The following LEP variants were observed in gnomAD, a reference collection of about 807,000 sequenced individuals.
The protein encoded by LEP is leptin (murine obesity homolog).
Under a neutral mutation model 9.8 loss-of-function variants are expected in LEP, and 6 were observed. The ratio of observed to expected loss-of-function variants is 0.61; its 90% CI spans 0.34 to 1.21. The LOEUF is 1.21. LEP is among the 50% of genes most tolerant of loss of function. LEP has a pLI of 0.04. For missense variants in LEP, 134 were observed against 198.1 expected, an observed-to-expected ratio of 0.68 and a Z score of 1.94; for synonymous variants, 112 against 81.7, an observed-to-expected ratio of 1.37 and a Z score of -2.00.
Position 128,254,675 on chromosome 7 carries a change from G to T in LEP, c.416G>T (p.Gly139Val), listed in dbSNP as rs1795315904. The change falls in exon 3 of 3, where the codon GGC becomes GTC. Residue 139 changes from glycine (G) to valine (V), a missense_variant. By Grantham distance (109) the Gly-to-Val change is moderately radical. Coordinates refer to ENST00000308868, the MANE Select transcript of LEP (RefSeq NM_000230.3). Reference protein sequence around the residue: ...DSLGGVLEASGYSTEVVALSR... With the variant: ...DSLGGVLEASVYSTEVVALSR... ...CTGGGGGGTGTCCTGGAAGCTTCAG[G>T]CTACTCCACAGAGGTGGTGGCCCTG... 7 of 1,614,060 alleles carry T rather than the reference G, an allele frequency of 4.3e-6. No individual in the cohort carries two copies. The highest frequency in any genetic ancestry group is 5.9e-6 in the Non-Finnish European group (7 of 1,180,012).
In LEP at chr7:128,252,110, C is replaced by G. The variant is rs1795281972; in HGVS notation, c.92C>G (p.Thr31Ser). ...AVPIQKVQDD[T>S]KTLIKTIVTR... Reference sequence around the variant, plus strand: ...CCCATCCAAAAAGTCCAAGATGACACCAAAACCCTCATCAAGACAATTGTC... The same window carrying G: ...CCCATCCAAAAAGTCCAAGATGACAGCAAAACCCTCATCAAGACAATTGTC... The change falls in exon 2 of 3, where the codon ACC becomes AGC. Residue 31 changes from threonine to serine, a missense_variant. Coordinates refer to ENST00000308868, the MANE Select transcript of LEP (RefSeq NM_000230.3). 6.2e-6 allele frequency: 10 copies of G among 1,614,026 alleles called. No individual in the cohort carries two copies. The highest frequency in any genetic ancestry group is 3.3e-5 in the Admixed American group (2 of 60,008).
chr7:128,251,822 C>A (rs961025036), intron 1 of LEP, among the ~76,000 whole-genome samples, 169 bp from the exon 2 acceptor site: 1 of 152,196 alleles, frequency 6.6e-6, no homozygotes, highest in Admixed American at 6.5e-5. Flanking sequence ...GGATGCATTT[C>A]ATTAATACAT....
At chr7:128,244,249 A>T (rs934590368) in intron 1 of LEP, among the ~76,000 whole-genome samples, 22 of 1,782 alleles carry the variant, frequency 0.012, no homozygotes, top group African/African-American at 0.02. Context: ...AGACCCTGAC[A>T]CACACACACA....
In LEP at chr7:128,254,649, C is replaced by T. The variant is rs766459987; in HGVS notation, c.390C>T (p.Ser130=). Residue 130 remains serine (S), a synonymous_variant, in exon 3 of 3, where the codon AGC becomes AGT. Transcript: ENST00000308868. ...CCAGTGGCCTGGAGACCTTGGACAG[C>T]CTGGGGGGTGTCCTGGAAGCTTCAG... ...PWASGLETLD[S]LGGVLEASGY... The T allele has an allele frequency of 1.2e-6, 2 of 1,614,134 alleles. No individual in the cohort carries two copies. The highest frequency in any genetic ancestry group is 3.3e-5 in the Admixed American group (2 of 60,032).
rs201333921 is a variant in LEP at position 128,256,140 on chromosome 7, T to G, written c.*1377T>G. On this transcript the variant is annotated 3_prime_UTR_variant, in exon 3 of 3. Transcript: ENST00000308868. ...AAATTACCAAAAATCTTGGGGGGTTTTTACTCCAGTGGTGAAGAAAACTCC... is the reference window on the plus strand; with the variant it reads ...AAATTACCAAAAATCTTGGGGGGTTGTTACTCCAGTGGTGAAGAAAACTCC... The G allele has an allele frequency of 2.6e-5, 4 of 152,180 alleles. No homozygotes were observed. The highest frequency in any genetic ancestry group is 5.9e-5 in the Non-Finnish European group (4 of 68,020). The allele number at this position is 152,180 out of a possible 1,614,324, so 9.4% of individuals were successfully genotyped here. A position where few individuals can be genotyped will look rare whatever the true frequency, so the allele number is the denominator to read the frequency against.
At chr7:128,252,628 G>A (rs1159185120) in intron 2 of LEP, among the ~76,000 whole-genome samples, 1 of 152,032 alleles carries the variant, frequency 6.6e-6, no homozygotes, top group African/African-American at 2.4e-5. Context: ...AGCTAGGGGA[G>A]GCTGAGATGG....
chr7:128,252,045 C>A lies in LEP; in HGVS notation c.27C>A (p.Phe9Leu), dbSNP rs1401846669. ...TGCATTGGGGAACCCTGTGCGGATTCTTGTGGCTTTGGCCCTATCTTTTCT... is the reference window on the plus strand; with the variant it reads ...TGCATTGGGGAACCCTGTGCGGATTATTGTGGCTTTGGCCCTATCTTTTCT... MHWGTLCG[F>L]LWLWPYLFYV... Residue 9 changes from phenylalanine (F) to leucine (L), a missense_variant, in exon 2 of 3, where the codon TTC (phenylalanine) becomes TTA (leucine). Phe to Leu is a conservative substitution (Grantham distance 22, BLOSUM62 0). Transcript: ENST00000308868. 1.2e-6 allele frequency: 2 copies of A among 1,614,112 alleles called. No individual in the cohort carries two copies. Among genetic ancestry groups the A allele is most frequent in the Non-Finnish European group, 1.7e-6 (2 of 1,180,052 alleles).
In LEP at chr7:128,254,288, G is replaced by C. The variant is rs28954110; in HGVS notation, c.145-116G>C. 2,542 of 1,350,138 alleles carry C rather than the reference G, an allele frequency of 1.9e-3. 45 individuals are homozygous for C. In the African/African-American group the frequency reaches 0.032, roughly 17 times the overall value. The allele number at this position is 1,350,138 out of a possible 1,614,324, so 83.6% of individuals were successfully genotyped here. A position where few individuals can be genotyped will look rare whatever the true frequency, so the allele number is the denominator to read the frequency against. On this transcript the variant is annotated intron_variant, in intron 2 of 2. Coordinates refer to ENST00000308868, the MANE Select transcript of LEP (RefSeq NM_000230.3). ...GGGCCTGAGCCAAAGTGGTGAGGGAGGGTGGAAGGAGGCAGCCCAGAGAAT... is the reference window on the plus strand; with the variant it reads ...GGGCCTGAGCCAAAGTGGTGAGGGACGGTGGAAGGAGGCAGCCCAGAGAAT...
chr7:128,243,605 C>A (rs1344673350), intron 1 of LEP, among the ~76,000 whole-genome samples: 2 of 152,138 alleles, frequency 1.3e-5, no homozygotes, highest in Non-Finnish European at 2.9e-5. Flanking sequence ...AGACCAAGGT[C>A]CCCAAGAGAG....
At chr7:128,254,297 G>C in intron 2 of LEP, 107 bp from the exon 3 acceptor site, 1 of 1,455,188 alleles carries the variant, frequency 6.9e-7, no homozygotes, top group Non-Finnish European at 9.5e-7. Context: ...AGGGTGGAAG[G>C]AGGCAGCCCA....
chr7:128,252,175 T>C lies in LEP; in HGVS notation c.144+13T>C, dbSNP rs760301529. On this transcript the variant is annotated intron_variant, in intron 2 of 2. Coordinates refer to ENST00000308868, the MANE Select transcript of LEP (RefSeq NM_000230.3). ...CATTTCACACACGGTAAGGAGAGTA[T>C]GCGGGGACAAAGTAGAACTGCAGCC... is the stretch of plus-strand genomic sequence containing the variant. 1 of 1,614,046 alleles carries C rather than the reference T, an allele frequency of 6.2e-7. No individual in the cohort carries two copies. The highest frequency in any genetic ancestry group is 1.1e-5 in the South Asian group (1 of 91,082).
intron 1 of LEP, among the ~76,000 whole-genome samples, chr7:128,241,627 G>A (rs955729809): frequency 6.6e-6 from 1 of 152,172 alleles, no homozygotes; most frequent in Non-Finnish European, 1.5e-5. Context: ...AATTGCCTTG[G>A]GCACATCCCC....
chr7:128,253,642 C>A (rs1333439551), intron 2 of LEP, among the ~76,000 whole-genome samples: 2 of 152,084 alleles, frequency 1.3e-5, no homozygotes, highest in African/African-American at 4.8e-5. Context: ...TAGTCTTGGG[C>A]AGTTAGGGAG....
chr7:128,249,078 C>G (rs1436309005), intron 1 of LEP, among the ~76,000 whole-genome samples: 1 of 152,244 alleles, frequency 6.6e-6, no homozygotes, highest in Non-Finnish European at 1.5e-5. Flanking sequence ...TCCTCCCAGC[C>G]ATTCTTCCTC....
intron 1 of LEP, among the ~76,000 whole-genome samples, chr7:128,250,507 C>A (rs990605831): frequency 8.5e-5 from 13 of 152,202 alleles, no homozygotes; most frequent in African/African-American, 3.1e-4. Flanking sequence ...CTCCTGCTTT[C>A]TGGATCTGAA....
At position 128,254,512 on chromosome 7, in the gene LEP, A is replaced by G; in HGVS notation, c.253A>G (p.Ile85Val). 2 of 1,614,182 alleles carry G rather than the reference A, an allele frequency of 1.2e-6. No individual in the cohort carries two copies. Among genetic ancestry groups the G allele is most frequent in the Admixed American group, 1.7e-5 (1 of 60,028 alleles). ...MDQTLAVYQQ[I>V]LTSMPSRNVI... ...CCAGACACTGGCAGTCTACCAACAGATCCTCACCAGTATGCCTTCCAGAAA... is the reference window on the plus strand; with the variant it reads ...CCAGACACTGGCAGTCTACCAACAGGTCCTCACCAGTATGCCTTCCAGAAA... Residue 85 changes from isoleucine to valine, a missense_variant, in exon 3 of 3, where the codon ATC becomes GTC. Transcript: ENST00000308868.
intron 1 of LEP, among the ~76,000 whole-genome samples, chr7:128,249,710 G>C (rs560126792): frequency 1.3e-4 from 20 of 152,298 alleles, no homozygotes; most frequent in South Asian, 2.1e-4. Context: ...GTGTTGATGT[G>C]CGTGTGTGTG....
At chr7:128,252,991 G>T (rs372521282) in intron 2 of LEP, among the ~76,000 whole-genome samples, 2 of 152,292 alleles carry the variant, frequency 1.3e-5, no homozygotes, top group Non-Finnish European at 2.9e-5. Context: ...AGGCCTCAGC[G>T]ATTAGCTGAG....
intron 1 of LEP, among the ~76,000 whole-genome samples, chr7:128,244,246 G>GACACACACACACACACAC (rs60815271): frequency 6.8e-6 from 1 of 147,040 alleles, no homozygotes; most frequent in African/African-American, 2.5e-5. Flanking sequence ...GCAAGACCCT[G>GACACACACACACACACAC]ACACACACAC....
Sources: allele counts gnomAD v4.1 joint callset (sites outside exome capture counted in the v4.1 genomes callset), GRCh38; gene constraint gnomAD v4.1.1; transcripts MANE v1.5; gene names NCBI Gene and HGNC (gene_info 2026-07-23, HGNC 2026-07-21).